CLASP2: variants seen among roughly 807,000 people sequenced by gnomAD.
CLASP2 encodes cytoplasmic linker associated protein 2, also known as CLIP-associating protein 2.
CLASP2 carries 47 observed loss-of-function variants against 194.4 expected under a neutral mutation model. That is an observed-to-expected ratio of 0.24 (90% CI 0.19 to 0.31). CLASP2 has a LOEUF of 0.31. Among genes scored for constraint, CLASP2 ranks in the 10% least tolerant of loss-of-function variants. The pLI, the probability that CLASP2 is intolerant of heterozygous loss-of-function variation, is 1.00. For missense variants in CLASP2, 1,445 were observed against 1,823.6 expected, an observed-to-expected ratio of 0.79 and a Z score of 3.78; for synonymous variants, 619 against 633.5, an observed-to-expected ratio of 0.98 and a Z score of 0.34.
intron 22 of CLASP2, among the ~76,000 whole-genome samples, chr3:33,582,804 A>G (rs2066449206): frequency 6.6e-6 from 1 of 152,248 alleles, no homozygotes; most frequent in African/African-American, 2.4e-5. Flanking sequence ...GGTGGAGTAG[A>G]GAATTTAAAA....
At chr3:33,516,748 G>A (rs567173983) in intron 35 of CLASP2, among the ~76,000 whole-genome samples, 50 of 152,262 alleles carry the variant, frequency 3.3e-4, no homozygotes, top group Admixed American at 3.1e-3. Context: ...CAAGTAACAT[G>A]TACTTTTCTA....
Position 33,535,340 on chromosome 3 carries a change from C to T in CLASP2, c.3680G>A (p.Arg1227His), listed in dbSNP as rs746484508. ...GTTATATGGATTATAGTCTCGAGAG[C>T]GTGGAGAGGAGTGAGTAGGCATTGA... is the stretch of plus-strand genomic sequence containing the variant. ...LHSMPTHSSP[R>H]SRDYNPYNYS... Residue 1227 changes from arginine (R) to histidine (H), a missense_variant, in exon 34 of 39, where the codon CGC (arginine) becomes CAC (histidine). Physicochemically the swap from Arg to His is conservative, Grantham distance 29. Around this residue, in one of 4 missense-constraint regions of CLASP2, gnomAD observed 732 missense variants for 987.9 expected, o/e 0.74. Coordinates refer to ENST00000682230, the MANE Select transcript of CLASP2 (RefSeq NM_001365631.1). 8 of 1,613,692 alleles carry T rather than the reference C, an allele frequency of 5.0e-6. No homozygotes were observed. Among genetic ancestry groups the T allele is most frequent in the African/African-American group, 1.3e-5 (1 of 74,932 alleles).
intron 9 of CLASP2, among the ~76,000 whole-genome samples, chr3:33,627,857 A>T (rs1322602408): frequency 6.6e-6 from 1 of 152,194 alleles, no homozygotes; most frequent in Non-Finnish European, 1.5e-5. Context: ...CAAAGTGGAC[A>T]GATTTGCTTT....
At chr3:33,535,866 C>A (rs536084418) in intron 33 of CLASP2, among the ~76,000 whole-genome samples, 42 of 140,314 alleles carry the variant, frequency 3.0e-4, no homozygotes, top group Non-Finnish European at 5.8e-4. Context: ...GTATATCATA[C>A]AACAGTATGT....
At chr3:33,520,027 T>A (rs1295532936) in intron 34 of CLASP2, among the ~76,000 whole-genome samples, 1 of 152,230 alleles carries the variant, frequency 6.6e-6, no homozygotes, top group African/African-American at 2.4e-5. Context: ...CTTTTCTTTT[T>A]TTCTGAGACA....
At chr3:33,708,505 T>C (rs1308689211) in intron 1 of CLASP2, among the ~76,000 whole-genome samples, 1 of 78,642 alleles carries the variant, frequency 1.3e-5, no homozygotes, top group African/African-American at 4.9e-5. Context: ...TATATATATA[T>C]GTATATATAT....
At chr3:33,556,915 TTTCTC>T (rs2061043619) in intron 29 of CLASP2, among the ~76,000 whole-genome samples, 1 of 152,178 alleles carries the variant, frequency 6.6e-6, no homozygotes, top group African/African-American at 2.4e-5. Context: ...TCGCTTTGTC[TTTCTC>T]TTCAAGTCTC....
intron 33 of CLASP2, among the ~76,000 whole-genome samples, chr3:33,537,148 T>C (rs1032020745): frequency 6.6e-6 from 1 of 152,154 alleles, no homozygotes; most frequent in African/African-American, 2.4e-5. Flanking sequence ...TTTCCCAAAA[T>C]TCACAATTTG....
intron 1 of CLASP2, among the ~76,000 whole-genome samples, chr3:33,698,238 T>TA (rs759864214): frequency 1.7e-4 from 26 of 152,210 alleles, no homozygotes; most frequent in Non-Finnish European, 3.2e-4. Context: ...CAAACACTGT[T>TA]ACGCCTAAGG....
chr3:33,592,156 C>T, intron 21 of CLASP2: 1 of 702,276 alleles, frequency 1.4e-6, no homozygotes, highest in Non-Finnish European at 2.6e-6. Flanking sequence ...AGACAACACC[C>T]ACTCAAAAAA....
chr3:33,661,328 A>G (rs113936579), intron 7 of CLASP2, among the ~76,000 whole-genome samples: 1 of 152,264 alleles, frequency 6.6e-6, no homozygotes, highest in African/African-American at 2.4e-5. Flanking sequence ...ACATGATCTA[A>G]TTTACATTTT....
intron 34 of CLASP2, among the ~76,000 whole-genome samples, chr3:33,531,444 T>C (rs2056266596): frequency 6.6e-6 from 1 of 152,202 alleles, no homozygotes; most frequent in African/African-American, 2.4e-5. Flanking sequence ...CAGGAAAAGA[T>C]GCTCAGCATT....
At position 33,661,313 on chromosome 3, in the gene CLASP2, T is replaced by A. The variant is rs546878158; in HGVS notation, c.715+2132A>T. Among the ~76,000 whole-genome samples, 311 of 152,288 alleles carry A rather than the reference T, an allele frequency of 2.0e-3. 3 individuals are homozygous for A. The highest frequency in any genetic ancestry group is 4.1e-3 in the Admixed American group (63 of 15,296). On this transcript the variant is annotated intron_variant, in intron 7 of 38. Coordinates refer to ENST00000682230, the MANE Select transcript of CLASP2 (RefSeq NM_001365631.1). ...GAGAAATTTCATTATCTTCTTCCTGTTGTGACATGATCTAATTTACATTTT... is the reference window on the plus strand; with the variant it reads ...GAGAAATTTCATTATCTTCTTCCTGATGTGACATGATCTAATTTACATTTT...
intron 8 of CLASP2, 111 bp from the exon 9 acceptor site, chr3:33,632,482 G>C (rs2079270392): frequency 1.4e-6 from 1 of 724,822 alleles, no homozygotes; most frequent in African/African-American, 1.8e-5. Context: ...ATAATTTTAA[G>C]GGATATTCCA....
At chr3:33,524,844 T>A (rs1420129051) in intron 34 of CLASP2, among the ~76,000 whole-genome samples, 1 of 151,956 alleles carries the variant, frequency 6.6e-6, no homozygotes, top group African/African-American at 2.4e-5. Context: ...CTGACAGAAT[T>A]GAAGGGAAAA....
intron 8 of CLASP2, among the ~76,000 whole-genome samples, chr3:33,637,875 T>C (rs1559484748): frequency 6.6e-6 from 1 of 152,194 alleles, no homozygotes; most frequent in Admixed American, 6.5e-5. Context: ...TTTTATAAAA[T>C]AGAAGCAGCA....
chr3:33,637,174 G>A (rs1319513320), intron 8 of CLASP2, among the ~76,000 whole-genome samples: 1 of 152,044 alleles, frequency 6.6e-6, no homozygotes, highest in Non-Finnish European at 1.5e-5. Context: ...AAAACAACTG[G>A]CCTAGACTCC....
At chr3:33,607,688 A>G (rs564977596) in intron 14 of CLASP2, among the ~76,000 whole-genome samples, 6 of 152,304 alleles carry the variant, frequency 3.9e-5, no homozygotes, top group African/African-American at 1.2e-4. Flanking sequence ...TTATAAATCT[A>G]AAAGTAATTA....
At chr3:33,680,231 T>G (rs1234844579) in intron 6 of CLASP2, among the ~76,000 whole-genome samples, 2 of 152,212 alleles carry the variant, frequency 1.3e-5, no homozygotes, top group African/African-American at 4.8e-5. Context: ...ACATTACGGA[T>G]TTTTAAGGCA....
Sources: allele counts gnomAD v4.1 joint callset (sites outside exome capture counted in the v4.1 genomes callset), GRCh38; gene constraint gnomAD v4.1.1; regional missense constraint gnomAD v4.1.1; transcripts MANE v1.5; gene names NCBI Gene and HGNC (gene_info 2026-07-23, HGNC 2026-07-21).